Variants in ADAMTSL1 observed in about 807,000 individuals in gnomAD.
ADAMTSL1 encodes the protein ADAMTS like 1.
Under a neutral mutation model 201.8 loss-of-function variants are expected in ADAMTSL1, and 126 were observed. The ratio of observed to expected loss-of-function variants is 0.62; its 90% CI spans 0.54 to 0.72. The LOEUF (loss-of-function observed/expected upper bound fraction) is 0.72, where lower values mean the gene tolerates loss of function less well. Among genes scored for constraint, ADAMTSL1 ranks in the 30% least tolerant of loss-of-function variants. The pLI, the probability that ADAMTSL1 is intolerant of heterozygous loss-of-function variation, is 0.00. For missense variants in ADAMTSL1, 2,679 were observed against 2,277.8 expected (o/e 1.18, Z -3.59); for synonymous variants, 1,121 against 903.4 (o/e 1.24, Z -4.32).
At chr9:18,821,846 C>T (rs1226410607) in intron 21 of ADAMTSL1, among the ~76,000 whole-genome samples, 1 of 152,090 alleles carries the variant, frequency 6.6e-6, no homozygotes, top group African/African-American at 2.4e-5. Context: ...GGCAGCCTTC[C>T]AAATGTAATA....
intron 23 of ADAMTSL1, among the ~76,000 whole-genome samples, chr9:18,878,596 A>G (rs1828321388): frequency 6.6e-6 from 1 of 152,192 alleles, no homozygotes; most frequent in South Asian, 2.1e-4. Context: ...TTGGGAGCAG[A>G]TTCTCACCCT....
Position 18,795,507 on chromosome 9 carries a change from T to C in ADAMTSL1, c.3788T>C (p.Ile1263Thr), listed in dbSNP as rs1297680073. The change falls in exon 20 of 29, where the codon ATT (isoleucine) becomes ACT (threonine). Residue 1263 changes from isoleucine to threonine, a missense_variant. Physicochemically the swap from Ile to Thr is moderately conservative, Grantham distance 89 (BLOSUM62 -1). Coordinates refer to ENST00000380548, the MANE Select transcript of ADAMTSL1 (RefSeq NM_001040272.6). The stretch of plus-strand genomic sequence containing the variant: ...GCCTTGGGATACGACTCTGTCTCCA[T>C]TGCCGTCACATTAGCAGGTAACCCA... ...TNALGYDSVSIAVTLAGKPLV... is the reference protein window; with the variant it reads ...TNALGYDSVSTAVTLAGKPLV... The C allele has an allele frequency of 6.2e-7, 1 of 1,613,136 alleles. No homozygotes were observed. Among genetic ancestry groups the C allele is most frequent in the Non-Finnish European group, 8.5e-7 (1 of 1,179,524 alleles).
intron 1 of ADAMTSL1, among the ~76,000 whole-genome samples, chr9:18,476,436 C>G (rs16936757): frequency 0.019 from 2,839 of 152,210 alleles, 88 homozygotes; most frequent in African/African-American, 0.064. Flanking sequence ...CCCTTTGTTG[C>G]AGATATTTAG....
intron 19 of ADAMTSL1, among the ~76,000 whole-genome samples, chr9:18,792,844 A>G (rs1393197994): frequency 1.3e-5 from 2 of 152,246 alleles, no homozygotes; most frequent in Non-Finnish European, 2.9e-5. Flanking sequence ...TACCAAAGAT[A>G]AGTAAATTGT....
At chr9:18,661,850 T>G (rs41268977) in intron 8 of ADAMTSL1, 85 bp from the exon 9 acceptor site, 288,413 of 1,373,578 alleles carry the variant, frequency 0.21, 32,780 homozygotes, top group Middle Eastern at 0.3. Flanking sequence ...ATAATTTCCA[T>G]TGATGTGAGC....
chr9:18,133,048 C>T (rs77089105), intron 1 of ADAMTSL1, among the ~76,000 whole-genome samples: 2 of 152,144 alleles, frequency 1.3e-5, no homozygotes, highest in East Asian at 3.9e-4. Flanking sequence ...GAATCTCTCT[C>T]AGGACTGTGG....
intron 14 of ADAMTSL1, among the ~76,000 whole-genome samples, chr9:18,712,055 A>G (rs1262463661): frequency 1.3e-5 from 2 of 151,388 alleles, no homozygotes; most frequent in Admixed American, 6.6e-5. Flanking sequence ...TAGAAGGAAA[A>G]CTAACAAACA....
intron 1 of ADAMTSL1, among the ~76,000 whole-genome samples, chr9:18,085,618 C>CGTATATACACTGTGTGTGTATAT (rs1563990981): frequency 2.1e-5 from 3 of 139,816 alleles, no homozygotes; most frequent in African/African-American, 8.2e-5. Flanking sequence ...TGTGTGTATA[C>CGTATATACACTGTGTGTGTATAT]GTATATACAC....
intron 2 of ADAMTSL1, among the ~76,000 whole-genome samples, chr9:18,278,014 A>G (rs1447106618): frequency 1.3e-5 from 2 of 152,110 alleles, no homozygotes; most frequent in African/African-American, 4.8e-5. Flanking sequence ...TGTTGAACTG[A>G]TAATTACTTC....
At chr9:18,111,650 A>G (rs1825016691) in intron 1 of ADAMTSL1, among the ~76,000 whole-genome samples, 3 of 152,218 alleles carry the variant, frequency 2.0e-5, no homozygotes, top group Admixed American at 6.5e-5. Context: ...ACTGACCGCC[A>G]TAAACAGAAC....
chr9:18,859,120 T>C (rs1013648139), intron 23 of ADAMTSL1, among the ~76,000 whole-genome samples: 1 of 152,210 alleles, frequency 6.6e-6, no homozygotes, highest in Non-Finnish European at 1.5e-5. Context: ...TACCATAGAT[T>C]TAGTGGCTTA....
intron 2 of ADAMTSL1, among the ~76,000 whole-genome samples, chr9:18,257,444 T>C (rs1831732506): frequency 1.3e-5 from 2 of 152,150 alleles, no homozygotes; most frequent in Admixed American, 6.5e-5. Flanking sequence ...ATTAGGAAAA[T>C]GTACAATAAC....
At chr9:18,676,800 C>A (rs776762) in intron 10 of ADAMTSL1, among the ~76,000 whole-genome samples, 103,937 of 151,862 alleles carry the variant, frequency 0.68, 35,728 homozygotes, top group African/African-American at 0.71. Context: ...TCTCAAATTA[C>A]ACCAAGCCCA....
intron 23 of ADAMTSL1, among the ~76,000 whole-genome samples, chr9:18,866,060 G>A (rs944895899): frequency 2.1e-5 from 3 of 139,844 alleles, no homozygotes; most frequent in South Asian, 2.3e-4. Context: ...TTATTAGCAC[G>A]TGTTTTTTGG....
chr9:18,591,168 C>T (rs753205010), intron 4 of ADAMTSL1, among the ~76,000 whole-genome samples: 36 of 152,090 alleles, frequency 2.4e-4, no homozygotes, highest in Non-Finnish European at 4.3e-4. Flanking sequence ...CCTTTTAGAT[C>T]TGTTAAAATT....
intron 1 of ADAMTSL1, among the ~76,000 whole-genome samples, chr9:17,935,735 A>T (rs749665660): frequency 2.0e-5 from 3 of 152,186 alleles, no homozygotes; most frequent in Non-Finnish European, 4.4e-5. Flanking sequence ...GTAGGTGCAG[A>T]TGGACCATCT....
chr9:18,586,956 A>G (rs1484643188), intron 4 of ADAMTSL1, among the ~76,000 whole-genome samples: 2 of 152,200 alleles, frequency 1.3e-5, no homozygotes, highest in African/African-American at 2.4e-5. Context: ...CAAGTAGATT[A>G]AAGACTTAAA....
chr9:17,985,312 T>C (rs1378129856), intron 1 of ADAMTSL1, among the ~76,000 whole-genome samples: 4 of 152,172 alleles, frequency 2.6e-5, no homozygotes, highest in Non-Finnish European at 5.9e-5. Context: ...TTAAACCTTT[T>C]GTATATTTTC....
At position 18,838,384 on chromosome 9, in the gene ADAMTSL1, C is replaced by CAA. The variant is rs1563844468; in HGVS notation, c.4249+8408_4249+8409insAA. Among the ~76,000 whole-genome samples the CAA allele has an allele frequency of 6.0e-4, 76 of 126,822 alleles. 1 individual carries two copies. The highest frequency in any genetic ancestry group is 3.4e-3 in the East Asian group (12 of 3,494). 83.2% of individuals were successfully genotyped at this position (126,822 alleles called of 152,430 possible). ...TTACACACACACACACACACACACA[C>CAA]ACACACACACACACACACGCAAAAA... On this transcript the variant is annotated intron_variant, in intron 23 of 28. Transcript: ENST00000380548.
Sources: gnomAD v4.1 joint callset for allele counts (sites outside exome capture counted in the v4.1 genomes callset) on GRCh38, gnomAD v4.1.1 for gene constraint, MANE v1.5 for transcripts, NCBI Gene and HGNC (gene_info 2026-07-23, HGNC 2026-07-21) for gene names.